Variants in SLC9D1 observed in about 807,000 individuals in gnomAD.
SLC9D1 encodes solute carrier family 9 member D1, also known as putative LAG1-interacting protein.
chr13:113,523,385 C>G, the SLC9D1 span, among the ~76,000 whole-genome samples: 1 of 152,204 alleles, frequency 6.6e-6, no homozygotes, highest in South Asian at 2.1e-4. Flanking sequence ...GTTGTGGTAG[C>G]TTAGCTTTTT....
At chr13:113,515,513 A>G in the SLC9D1 span, among the ~76,000 whole-genome samples, 2 of 152,156 alleles carry the variant, frequency 1.3e-5, no homozygotes, top group Non-Finnish European at 2.9e-5. Flanking sequence ...TTTCTTCCAG[A>G]AGCTCAGTGA....
At chr13:113,539,224 A>T in the SLC9D1 span, 1 of 817,380 alleles carries the variant, frequency 1.2e-6, no homozygotes, top group African/African-American at 1.7e-5. The surrounding 1 kb of genome is among the most constrained non-coding windows in gnomAD (Gnocchi z 4.8). Flanking sequence ...AGGACCAGAC[A>T]CACACACGCT....
chr13:113,509,466 A>AGCTGCCTATGTATGTTGGGACTGGCG, the SLC9D1 span, among the ~76,000 whole-genome samples: 1 of 130,290 alleles, frequency 7.7e-6, no homozygotes, highest in African/African-American at 3.1e-5. Flanking sequence ...TGGGACTGGC[A>AGCTGCCTATGTATGTTGGGACTGGCG]GGCTTCTTGG....
the SLC9D1 span, among the ~76,000 whole-genome samples, chr13:113,491,712 C>A: frequency 6.6e-6 from 1 of 152,202 alleles, no homozygotes; most frequent in African/African-American, 2.4e-5. Flanking sequence ...CCCTGGCCGC[C>A]CGGGTGGACT....
chr13:113,508,290 G>T, the SLC9D1 span, among the ~76,000 whole-genome samples: 1 of 152,206 alleles, frequency 6.6e-6, no homozygotes, highest in African/African-American at 2.4e-5. Flanking sequence ...GGCAGATCAG[G>T]CCTCAACTCC....
chr13:113,509,202 CTGTG>C, the SLC9D1 span, among the ~76,000 whole-genome samples: 18 of 142,482 alleles, frequency 1.3e-4, no homozygotes, highest in South Asian at 2.3e-4. Flanking sequence ...CTGGAGCTGC[CTGTG>C]TATGTTGGGA....
At chr13:113,498,689 T>C in the SLC9D1 span, 59 of 546,656 alleles carry the variant, frequency 1.1e-4, 2 homozygotes, top group East Asian at 1.9e-3. Context: ...AGAAGTAAGC[T>C]AATTATCTTT....
At chr13:113,547,095 G>T in the SLC9D1 span, 2 of 568,782 alleles carry the variant, frequency 3.5e-6, no homozygotes, top group Middle Eastern at 4.6e-4. Context: ...ACATCAGACA[G>T]GTCATCCCAG....
the SLC9D1 span, chr13:113,495,893 T>C: frequency 6.2e-7 from 1 of 1,614,164 alleles, no homozygotes; most frequent in Non-Finnish European, 8.5e-7. Context: ...AAGAGCTGAA[T>C]GAAAGTGAAA....
the SLC9D1 span, among the ~76,000 whole-genome samples, chr13:113,545,315 G>A: frequency 2.6e-5 from 4 of 152,250 alleles, no homozygotes. Context: ...CACAGTGAAT[G>A]TGGTGCTCCT....
the SLC9D1 span, among the ~76,000 whole-genome samples, chr13:113,532,481 G>A: frequency 3.9e-5 from 6 of 152,110 alleles, no homozygotes; most frequent in Admixed American, 1.3e-4. Flanking sequence ...CCATCCCAGC[G>A]TCCAGGAGCT....
chr13:113,503,610 T>TA, the SLC9D1 span: 3 of 1,516,872 alleles, frequency 2.0e-6, no homozygotes, highest in Non-Finnish European at 2.7e-6. Context: ...ATCAACCTGT[T>TA]ACTGCAGCTA....
the SLC9D1 span, among the ~76,000 whole-genome samples, chr13:113,542,621 C>T: frequency 3.9e-5 from 6 of 152,218 alleles, no homozygotes; most frequent in South Asian, 4.1e-4. Context: ...TGAGATGGGC[C>T]GCTCTGGAAA....
the SLC9D1 span, chr13:113,534,762 C>G: frequency 6.5e-6 from 1 of 153,050 alleles, no homozygotes; most frequent in Non-Finnish European, 1.4e-5. Flanking sequence ...TGCACTCTAG[C>G]CTGGGTGACA....
chr13:113,525,521 G>C, the SLC9D1 span, among the ~76,000 whole-genome samples: 11 of 152,234 alleles, frequency 7.2e-5, no homozygotes, highest in African/African-American at 2.7e-4. Context: ...GCCTCAGGCA[G>C]GTTCTTCAGG....
At chr13:113,534,428 G>GT in the SLC9D1 span, 1 of 598,718 alleles carries the variant, frequency 1.7e-6, no homozygotes, top group Non-Finnish European at 2.9e-6. Flanking sequence ...AGCTAAACCC[G>GT]TTTAACTGGT....
chr13:113,514,193 A>C, the SLC9D1 span: 5 of 152,122 alleles, frequency 3.3e-5, no homozygotes, highest in Non-Finnish European at 5.9e-5. Context: ...TTTCATACTA[A>C]CCTCACTATG....
At chr13:113,512,461 C>T in the SLC9D1 span, among the ~76,000 whole-genome samples, 27,576 of 145,590 alleles carry the variant, frequency 0.19, 3,367 homozygotes, top group African/African-American at 0.36. Flanking sequence ...CCTCAGTGGC[C>T]GGAGTGTAGA....
the SLC9D1 span, among the ~76,000 whole-genome samples, chr13:113,502,718 A>G: frequency 6.6e-6 from 1 of 152,304 alleles, no homozygotes; most frequent in Non-Finnish European, 1.5e-5. Context: ...AGTGGGTGCC[A>G]TGAGTCCCAC....
Sources: allele counts gnomAD v4.1 joint callset (sites outside exome capture counted in the v4.1 genomes callset), GRCh38; gene constraint gnomAD v4.1.1; non-coding constraint Gnocchi (gnomAD v3.1); transcripts MANE v1.5; gene names NCBI Gene and HGNC (gene_info 2026-07-23, HGNC 2026-07-21).